Variants in GALNT1 observed in about 807,000 individuals in gnomAD.
GALNT1 encodes the protein GalNAc transferase 1.
Under a neutral mutation model 65.7 loss-of-function variants are expected in GALNT1, and 17 were observed. The ratio of observed to expected loss-of-function variants is 0.26; its 90% CI spans 0.18 to 0.39. The LOEUF (loss-of-function observed/expected upper bound fraction) is 0.39. GALNT1 is among the 10% of genes least tolerant of loss of function. GALNT1 has a pLI of 1.00. For missense variants in GALNT1, 460 were observed against 672.8 expected (o/e 0.68, Z 3.50); for synonymous variants, 210 against 219.7 (o/e 0.96, Z 0.39).
chr18:35,602,667 T>C (rs1335587883), intron 1 of GALNT1, among the ~76,000 whole-genome samples: 1 of 152,334 alleles, frequency 6.6e-6, no homozygotes, highest in East Asian at 1.9e-4. Flanking sequence ...GTTTAGCAAA[T>C]GTATTTCTCA....
chr18:35,650,606 A>G (rs1026366307), intron 1 of GALNT1, among the ~76,000 whole-genome samples: 1 of 152,168 alleles, frequency 6.6e-6, no homozygotes, highest in African/African-American at 2.4e-5. Flanking sequence ...GCCATTTCAG[A>G]GACCCCTTGG....
intron 1 of GALNT1, among the ~76,000 whole-genome samples, chr18:35,613,257 TG>T (rs2144056300): frequency 6.6e-6 from 1 of 152,308 alleles, no homozygotes; most frequent in South Asian, 2.1e-4. Context: ...GCTTTTCCTT[TG>T]GCTTCTAGAA....
At chr18:35,622,372 C>T (rs1325186331) in intron 1 of GALNT1, among the ~76,000 whole-genome samples, 3 of 152,142 alleles carry the variant, frequency 2.0e-5, no homozygotes, top group Non-Finnish European at 4.4e-5. Flanking sequence ...TCACCTCAAC[C>T]TCCCAAGTAG....
At position 35,683,827 on chromosome 18, in the gene GALNT1, G is replaced by A. The variant is rs113016740; in HGVS notation, c.689+229G>A. 6.4e-3 allele frequency among the ~76,000 whole-genome samples: 978 copies of A among 152,322 alleles called. 19 individuals carry two copies. The highest frequency in any genetic ancestry group is 0.022 in the African/African-American group (927 of 41,568). Reference sequence around the variant, plus strand: ...CTAATGAGGAGTGATTAGGAAGCATGTCATTGGAATGTATACTATATGCTG... The same window carrying A: ...CTAATGAGGAGTGATTAGGAAGCATATCATTGGAATGTATACTATATGCTG... On this transcript the variant is annotated intron_variant, in intron 5 of 11. Transcript: ENST00000269195.
intron 1 of GALNT1, among the ~76,000 whole-genome samples, chr18:35,651,335 GA>G (rs1164235498): frequency 6.6e-6 from 1 of 151,950 alleles, no homozygotes; most frequent in African/African-American, 2.4e-5. Flanking sequence ...TTTTTATAAA[GA>G]AACTGCCACC....
intron 1 of GALNT1, among the ~76,000 whole-genome samples, chr18:35,585,382 A>G (rs1355231605): frequency 6.6e-6 from 1 of 152,142 alleles, no homozygotes; most frequent in East Asian, 1.9e-4. Context: ...TTTCTCCTTG[A>G]TGAAGTTATT....
chr18:35,617,706 CA>C (rs2046802447), intron 1 of GALNT1, among the ~76,000 whole-genome samples: 1 of 152,176 alleles, frequency 6.6e-6, no homozygotes, highest in Non-Finnish European at 1.5e-5. Context: ...AATATGACCA[CA>C]ATGCTGTTAA....
chr18:35,685,751 T>C (rs2047857941), intron 5 of GALNT1, among the ~76,000 whole-genome samples: 1 of 152,182 alleles, frequency 6.6e-6, no homozygotes, highest in Non-Finnish European at 1.5e-5. Context: ...AATTTAGCAA[T>C]GTTGCCAAAC....
At chr18:35,612,074 T>G (rs1253141810) in intron 1 of GALNT1, among the ~76,000 whole-genome samples, 3 of 152,202 alleles carry the variant, frequency 2.0e-5, no homozygotes, top group African/African-American at 7.2e-5. Context: ...TTATATAAAA[T>G]ATGAGCTCTA....
chr18:35,596,086 T>G (rs1388803932), intron 1 of GALNT1: 1 of 152,146 alleles, frequency 6.6e-6, no homozygotes, highest in Non-Finnish European at 1.5e-5. Flanking sequence ...TTTAGGATAC[T>G]GATTTTAAAT....
chr18:35,594,099 G>A (rs577092659), intron 1 of GALNT1, among the ~76,000 whole-genome samples: 1 of 135,172 alleles, frequency 7.4e-6, no homozygotes, highest in South Asian at 2.8e-4. Flanking sequence ...GGGGGGCGGG[G>A]GCAGGAGTAG....
intron 9 of GALNT1, among the ~76,000 whole-genome samples, chr18:35,701,129 T>C (rs1568036680): frequency 6.6e-6 from 1 of 152,118 alleles, no homozygotes; most frequent in Non-Finnish European, 1.5e-5. Context: ...TGAAGTGCAG[T>C]GGCACAATTA....
chr18:35,663,793 G>A lies in GALNT1; in HGVS notation c.305G>A (p.Arg102Lys), dbSNP rs770934329. Residue 102 changes from arginine to lysine, a missense_variant, in exon 3 of 12, where the codon AGG (arginine) becomes AAG (lysine). Transcript: ENST00000269195. Reference protein sequence around the residue: ...IALNRSLPDVRLEGCKTKVYP... With the variant: ...IALNRSLPDVKLEGCKTKVYP... ...CTCAACAGATCTTTACCAGATGTTAGGTTAGAAGGGTAAGTACTTACTGTG... is the reference window on the plus strand; with the variant it reads ...CTCAACAGATCTTTACCAGATGTTAAGTTAGAAGGGTAAGTACTTACTGTG... 1 of 1,613,288 alleles carries A rather than the reference G, an allele frequency of 6.2e-7. No homozygotes were observed. The highest frequency in any genetic ancestry group is 1.7e-5 in the Admixed American group (1 of 59,958).
chr18:35,627,079 G>A (rs944660312), intron 1 of GALNT1, among the ~76,000 whole-genome samples: 1 of 152,204 alleles, frequency 6.6e-6, no homozygotes, highest in African/African-American at 2.4e-5. Context: ...GGTTGGATAA[G>A]GAACAAACAG....
chr18:35,623,576 C>T (rs1211214413), intron 1 of GALNT1, among the ~76,000 whole-genome samples: 1 of 152,090 alleles, frequency 6.6e-6, no homozygotes, highest in African/African-American at 2.4e-5. Context: ...TGCTGTACCA[C>T]AGCTCACTGA....
chr18:35,702,742 T>A, intron 9 of GALNT1, 155 bp from the exon 10 acceptor site: 1 of 435,100 alleles, frequency 2.3e-6, no homozygotes, highest in Non-Finnish European at 4.2e-6. Context: ...TCTAGACCAA[T>A]GAATTTTAGA....
chr18:35,605,114 C>G (rs760954517), intron 1 of GALNT1, among the ~76,000 whole-genome samples: 18 of 152,168 alleles, frequency 1.2e-4, no homozygotes, highest in Non-Finnish European at 2.1e-4. Flanking sequence ...CAGATCTTTA[C>G]TGTATTTATT....
At chr18:35,631,035 C>T (rs573612380) in intron 1 of GALNT1, among the ~76,000 whole-genome samples, 16 of 152,296 alleles carry the variant, frequency 1.1e-4, no homozygotes, top group African/African-American at 3.9e-4. Context: ...AGATCAATAA[C>T]AGGCTCTGAA....
chr18:35,607,468 T>A (rs1308625937), intron 1 of GALNT1, among the ~76,000 whole-genome samples: 1 of 152,120 alleles, frequency 6.6e-6, no homozygotes, highest in Non-Finnish European at 1.5e-5. Context: ...ATGCATGCTG[T>A]AGCATAGGAT....
Sources: gnomAD v4.1 joint callset for allele counts (sites outside exome capture counted in the v4.1 genomes callset) on GRCh38, gnomAD v4.1.1 for gene constraint, MANE v1.5 for transcripts, NCBI Gene and HGNC (gene_info 2026-07-23, HGNC 2026-07-21) for gene names.